Variants in YWHAQ observed in about 807,000 individuals in gnomAD.
YWHAQ encodes the protein 14-3-3 protein theta.
A neutral mutation model predicts 28.3 loss-of-function variants in YWHAQ; 6 were observed. The observed-to-expected ratio is 0.21, with a 90% CI of 0.12 to 0.42. YWHAQ has a LOEUF of 0.42. Ranked by LOEUF, YWHAQ falls within the 10% of genes least tolerant of loss-of-function variation. The probability of loss-of-function intolerance (pLI) is 1.00; values close to 1 mark genes in which losing one functional copy is unlikely to be tolerated. For missense variants in YWHAQ, 201 were observed against 305.6 expected, an observed-to-expected ratio of 0.66 and a Z score of 2.55; for synonymous variants, 143 against 119.1, an observed-to-expected ratio of 1.20 and a Z score of -1.31.
At chr2:9,601,248 A>G (rs1175436328) in intron 2 of YWHAQ, among the ~76,000 whole-genome samples, 1 of 152,124 alleles carries the variant, frequency 6.6e-6, no homozygotes. Flanking sequence ...GATCACCTGA[A>G]GTCAAGGGTT....
Position 9,601,330 on chromosome 2 carries a change from C to T in YWHAQ, c.295-9815G>A, listed in dbSNP as rs533252624. On this transcript the variant is annotated intron_variant, in intron 2 of 5. Coordinates refer to ENST00000238081, the MANE Select transcript of YWHAQ (RefSeq NM_006826.4). ...TACAAAAATTAGCTGGGTGTGGTGG[C>T]GCACGCCTGTAATCCCAGCTACTCG... Among the ~76,000 whole-genome samples, 25 of 151,986 alleles carry T rather than the reference C, an allele frequency of 1.6e-4. No individual in the cohort carries two copies. In the South Asian group the frequency reaches 3.7e-3, roughly 23 times the overall value.
rs191019892 is a variant in YWHAQ at position 9,606,100 on chromosome 2, A to G, written c.295-14585T>C. On this transcript the variant is annotated intron_variant, in intron 2 of 5. Transcript: ENST00000238081. ...TTTAGCTTCCTCTGAGGAACACTTA[A>G]GCTGCTTCCAATCTTGGTATTTCCA... Among the ~76,000 whole-genome samples the G allele has an allele frequency of 1.2e-3, 177 of 152,340 alleles. 1 individual carries two copies. The highest frequency in any genetic ancestry group is 3.4e-3 in the Middle Eastern group (1 of 294).
chr2:9,585,973 A>T (rs1364731913), intron 5 of YWHAQ, among the ~76,000 whole-genome samples: 1 of 152,188 alleles, frequency 6.6e-6, no homozygotes, highest in Non-Finnish European at 1.5e-5. Context: ...AGAATAAGCA[A>T]AGTGATAGTC....
At chr2:9,619,805 T>C (rs564176240) in intron 2 of YWHAQ, among the ~76,000 whole-genome samples, 1 of 152,272 alleles carries the variant, frequency 6.6e-6, no homozygotes, top group African/African-American at 2.4e-5. Flanking sequence ...ATCTAAAAAG[T>C]ATATTCCCAA....
chr2:9,604,960 C>T (rs1231522082), intron 2 of YWHAQ, among the ~76,000 whole-genome samples: 1 of 152,182 alleles, frequency 6.6e-6, no homozygotes, highest in Non-Finnish European at 1.5e-5. Flanking sequence ...AAATGAACAT[C>T]AGCCATGGCC....
chr2:9,615,430 G>T (rs899491494), intron 2 of YWHAQ: 2 of 151,450 alleles, frequency 1.3e-5, no homozygotes, highest in South Asian at 2.1e-4. Context: ...AAGAACTAGA[G>T]CAAAGGTAAG....
chr2:9,630,530 G>C lies in YWHAQ; in HGVS notation c.-78C>G. 1 of 1,361,412 alleles carries C rather than the reference G, an allele frequency of 7.3e-7. No homozygotes were observed. The highest frequency in any genetic ancestry group is 9.7e-7 in the Non-Finnish European group (1 of 1,026,914). The allele number at this position is 1,361,412 out of a possible 1,614,324, so 84.3% of individuals were successfully genotyped here. On this transcript the variant is annotated 5_prime_UTR_variant, in exon 2 of 6. Coordinates refer to ENST00000238081, the MANE Select transcript of YWHAQ (RefSeq NM_006826.4). This position sits in a 1 kb window ranked among gnomAD's most constrained non-coding sequence, Gnocchi z 5.6. ...GCCGACCCGCAGCGGGAGGAGCCTC[G>C]AGAGCTGCGGAGGGGCGGGGCGGCG...
intron 2 of YWHAQ, among the ~76,000 whole-genome samples, chr2:9,596,181 C>G (rs549204250): frequency 1.3e-5 from 2 of 152,098 alleles, no homozygotes; most frequent in African/African-American, 4.8e-5. Flanking sequence ...AATATTAATG[C>G]AAATTTAGAA....
intron 2 of YWHAQ, among the ~76,000 whole-genome samples, chr2:9,598,185 G>A (rs886928025): frequency 3.3e-5 from 5 of 151,808 alleles, no homozygotes; most frequent in South Asian, 2.1e-4. Flanking sequence ...GGGATTTAGC[G>A]GACACCACAC....
intron 2 of YWHAQ, among the ~76,000 whole-genome samples, chr2:9,604,390 C>T (rs925716002): frequency 2.0e-5 from 3 of 152,116 alleles, no homozygotes; most frequent in Admixed American, 1.3e-4. Flanking sequence ...ACCAATATTT[C>T]ACAGTATTCA....
At position 9,587,397 on chromosome 2, in the gene YWHAQ, AAGAGT is replaced by A; in HGVS notation, c.678+12_678+16del. On this transcript the variant is annotated intron_variant, in intron 5 of 5. Coordinates refer to ENST00000238081, the MANE Select transcript of YWHAQ (RefSeq NM_006826.4). The stretch of plus-strand genomic sequence containing the variant: ...GTTTCTGAAAAGAAAATAAAATTAA[AAGAGT>A]AAACAACTCACTGTTAGGTTGTCTC... 1 of 1,579,888 alleles carries A rather than the reference AAGAGT, an allele frequency of 6.3e-7. No individual in the cohort carries two copies. The highest frequency in any genetic ancestry group is 8.6e-7 in the Non-Finnish European group (1 of 1,167,952).
At chr2:9,588,134 A>G (rs1251029178) in intron 4 of YWHAQ, 31 bp downstream of exon 4, 2 of 1,504,310 alleles carry the variant, frequency 1.3e-6, no homozygotes, top group African/African-American at 1.5e-5. Context: ...AACTGTAGCT[A>G]AAGTACGTAT....
intron 2 of YWHAQ, among the ~76,000 whole-genome samples, chr2:9,623,809 A>T (rs561488772): frequency 3.9e-5 from 6 of 152,232 alleles, no homozygotes; most frequent in South Asian, 2.1e-4. Flanking sequence ...AATTAAATTT[A>T]AAAAGTCTGA....
intron 2 of YWHAQ, among the ~76,000 whole-genome samples, chr2:9,605,138 CTCTT>C (rs1558546076): frequency 2.1e-5 from 2 of 97,474 alleles, no homozygotes; most frequent in Non-Finnish European, 4.0e-5. Flanking sequence ...ATTCTGTTCT[CTCTT>C]TTTTTTTTTT....
intron 2 of YWHAQ, among the ~76,000 whole-genome samples, chr2:9,595,125 C>T (rs990452186): frequency 2.6e-5 from 4 of 152,170 alleles, no homozygotes; most frequent in East Asian, 1.9e-4. Context: ...TCAGATGCCA[C>T]TAGCTCTCTG....
chr2:9,630,214 T>G lies in YWHAQ; in HGVS notation c.239A>C (p.Lys80Thr). The G allele has an allele frequency of 6.2e-7, 1 of 1,614,072 alleles. No homozygotes were observed. Among genetic ancestry groups the G allele is most frequent in the East Asian group, 2.2e-5 (1 of 44,886 alleles). Residue 80 changes from lysine to threonine, a missense_variant, in exon 2 of 6, where the codon AAG becomes ACG. Coordinates refer to ENST00000238081, the MANE Select transcript of YWHAQ (RefSeq NM_006826.4). The surrounding 1 kb of genome is among the most constrained non-coding windows in gnomAD (Gnocchi z 5.6). ...GGACTCCACTTTCTCCCGATAGTCC[T>G]TAATCAGCTGCAACTTCTTGTCGGA... ...DTSDKKLQLI[K>T]DYREKVESEL... is the part of the protein sequence containing the mutation.
intron 2 of YWHAQ, among the ~76,000 whole-genome samples, chr2:9,607,048 C>T (rs940147418): frequency 3.3e-5 from 5 of 151,586 alleles, no homozygotes; most frequent in Non-Finnish European, 7.4e-5. Context: ...CCATACCCGG[C>T]TAATTTTTGT....
intron 2 of YWHAQ, among the ~76,000 whole-genome samples, chr2:9,618,069 G>C (rs763976771): frequency 8.5e-5 from 13 of 152,116 alleles, no homozygotes; most frequent in Non-Finnish European, 1.5e-4. Context: ...AAATCTATAG[G>C]GATAGAAAGC....
chr2:9,591,356 A>G, intron 3 of YWHAQ, 36 bp downstream of exon 3: 1 of 1,588,100 alleles, frequency 6.3e-7, no homozygotes, highest in Non-Finnish European at 8.6e-7. Flanking sequence ...TCTTTTTTTT[A>G]TATTCTACTT....
Sources: gnomAD v4.1 joint callset for allele counts (sites outside exome capture counted in the v4.1 genomes callset) on GRCh38, gnomAD v4.1.1 for gene constraint, Gnocchi (gnomAD v3.1) non-coding constraint, MANE v1.5 for transcripts, NCBI Gene and HGNC (gene_info 2026-07-23, HGNC 2026-07-21) for gene names.